VSTM2L: variants seen among roughly 807,000 people sequenced by gnomAD.
VSTM2L encodes V-set and transmembrane domain-containing protein 2-like protein.
Under a neutral mutation model 19.9 loss-of-function variants are expected in VSTM2L, and 9 were observed. The ratio of observed to expected loss-of-function variants is 0.45; its 90% CI spans 0.27 to 0.79. VSTM2L has a LOEUF of 0.79. Ranked by LOEUF, VSTM2L falls within the 30% of genes least tolerant of loss-of-function variation. VSTM2L has a pLI of 0.15. For missense variants in VSTM2L, 286 were observed against 295.5 expected (o/e 0.97, Z 0.24); for synonymous variants, 127 against 133.8 (o/e 0.95, Z 0.35).
chr20:37,923,680 T>G (rs367894159), intron 1 of VSTM2L, among the ~76,000 whole-genome samples: 1 of 152,086 alleles, frequency 6.6e-6, no homozygotes, highest in African/African-American at 2.4e-5. Context: ...GAGAGATGGA[T>G]TCTATGTCCC....
intron 1 of VSTM2L, among the ~76,000 whole-genome samples, chr20:37,918,058 C>A (rs750805008): frequency 2.0e-5 from 3 of 152,188 alleles, no homozygotes; most frequent in African/African-American, 4.8e-5. Context: ...CCATTCATTT[C>A]TTTGTTCATT....
At chr20:37,906,897 G>C (rs2072754495) in intron 1 of VSTM2L, among the ~76,000 whole-genome samples, 1 of 152,136 alleles carries the variant, frequency 6.6e-6, no homozygotes, top group South Asian at 2.1e-4. Context: ...TGGACCCCAG[G>C]ATCTTTCCAG....
chr20:37,913,588 G>T (rs2072792741), intron 1 of VSTM2L, among the ~76,000 whole-genome samples: 1 of 152,236 alleles, frequency 6.6e-6, no homozygotes, highest in South Asian at 2.1e-4. Flanking sequence ...TGCATAGGCA[G>T]GTGGGCCAAG....
At chr20:37,906,198 C>T (rs1338521902) in intron 1 of VSTM2L, among the ~76,000 whole-genome samples, 8 of 152,152 alleles carry the variant, frequency 5.3e-5, no homozygotes, top group Non-Finnish European at 1.2e-4. Flanking sequence ...GAGCTTGTCA[C>T]AGGGAAAGCC....
chr20:37,929,225 G>C (rs2072895333), intron 1 of VSTM2L, among the ~76,000 whole-genome samples: 1 of 152,196 alleles, frequency 6.6e-6, no homozygotes, highest in Admixed American at 6.5e-5. Flanking sequence ...GGGTGTTCCA[G>C]GCAGAGGAAT....
chr20:37,911,363 A>G (rs920119997), intron 1 of VSTM2L, among the ~76,000 whole-genome samples: 3 of 152,010 alleles, frequency 2.0e-5, no homozygotes, highest in Admixed American at 6.6e-5. Context: ...GTGCAAGCTG[A>G]GCCCTACCCG....
At chr20:37,936,231 G>A (rs908973753) in intron 3 of VSTM2L, among the ~76,000 whole-genome samples, 10 of 144,734 alleles carry the variant, frequency 6.9e-5, no homozygotes, top group African/African-American at 2.9e-4. Flanking sequence ...TATGCGTACC[G>A]GTGACATGAC....
At chr20:37,920,480 C>A (rs893287425) in intron 1 of VSTM2L, among the ~76,000 whole-genome samples, 3 of 152,244 alleles carry the variant, frequency 2.0e-5, no homozygotes, top group African/African-American at 7.2e-5. Flanking sequence ...TGCCCTGTTT[C>A]ATTCTTGGTT....
chr20:37,917,092 T>C (rs2072822814), intron 1 of VSTM2L, among the ~76,000 whole-genome samples: 1 of 152,110 alleles, frequency 6.6e-6, no homozygotes, highest in Non-Finnish European at 1.5e-5. Flanking sequence ...GACGGGCGGA[T>C]CACGAGGTCA....
intron 1 of VSTM2L, among the ~76,000 whole-genome samples, chr20:37,915,148 G>A (rs1025177305): frequency 6.6e-6 from 1 of 152,172 alleles, no homozygotes; most frequent in Admixed American, 6.5e-5. Flanking sequence ...ATGGTCTCCC[G>A]GCAGGCAGCG....
intron 1 of VSTM2L, among the ~76,000 whole-genome samples, chr20:37,912,189 T>C (rs1349598494): frequency 6.6e-6 from 1 of 152,184 alleles, no homozygotes; most frequent in Admixed American, 6.5e-5. Flanking sequence ...TGAGCCCAGC[T>C]TGTGGGACGA....
At chr20:37,941,992 C>G (rs6013481) in intron 3 of VSTM2L, among the ~76,000 whole-genome samples, 6,135 of 151,846 alleles carry the variant, frequency 0.04, 381 homozygotes, top group African/African-American at 0.13. Flanking sequence ...GCCAGCTTCC[C>G]CAGTGGTGTA....
At chr20:37,940,099 T>C (rs1262714442) in intron 3 of VSTM2L, among the ~76,000 whole-genome samples, 1 of 152,164 alleles carries the variant, frequency 6.6e-6, no homozygotes, top group East Asian at 1.9e-4. Flanking sequence ...GGATTATTAC[T>C]CCATTAGCGC....
At chr20:37,931,836 C>A in intron 2 of VSTM2L, 32 bp downstream of exon 2, 2 of 1,602,780 alleles carry the variant, frequency 1.2e-6, no homozygotes, top group Non-Finnish European at 1.7e-6. Flanking sequence ...CCAAGCTGGG[C>A]TGGGGAAGTC....
intron 3 of VSTM2L, among the ~76,000 whole-genome samples, chr20:37,943,755 A>C (rs1287468116): frequency 6.6e-6 from 1 of 152,146 alleles, no homozygotes; most frequent in Non-Finnish European, 1.5e-5. Context: ...GCAGTGCTTC[A>C]TGCAGGGAAC....
Position 37,944,086 on chromosome 20 carries a change from G to A in VSTM2L, c.448G>A (p.Gly150Ser), listed in dbSNP as rs1447181384. Reference sequence around the variant, plus strand: ...GTGCCGCGTCATCGACTTCAGCGACGGCAAGGCCCGGCACCACAAGGTCAA... The same window carrying A: ...GTGCCGCGTCATCGACTTCAGCGACAGCAAGGCCCGGCACCACAAGGTCAA... ...YECRVIDFSD[G>S]KARHHKVKAY... The change falls in exon 4 of 4, where the codon GGC (glycine) becomes AGC (serine). Residue 150 changes from glycine to serine, a missense_variant. Transcript: ENST00000373461. 8 of 1,612,822 alleles carry A rather than the reference G, an allele frequency of 5.0e-6. No individual in the cohort carries two copies. The highest frequency in any genetic ancestry group is 4.5e-5 in the East Asian group (2 of 44,850).
intron 3 of VSTM2L, among the ~76,000 whole-genome samples, chr20:37,934,336 A>C (rs1322277943): frequency 6.6e-6 from 1 of 152,126 alleles, no homozygotes; most frequent in Admixed American, 6.5e-5. Context: ...TGAACTGGGG[A>C]GAGAACATGG....
chr20:37,912,135 G>A (rs1488762769), intron 1 of VSTM2L, among the ~76,000 whole-genome samples: 4 of 152,214 alleles, frequency 2.6e-5, no homozygotes, highest in African/African-American at 4.8e-5. Flanking sequence ...GGCGTGGTGC[G>A]ACTTGCCTGA....
At chr20:37,939,155 A>C (rs2072957359) in intron 3 of VSTM2L, among the ~76,000 whole-genome samples, 1 of 152,174 alleles carries the variant, frequency 6.6e-6, no homozygotes, top group African/African-American at 2.4e-5. Context: ...TTAGAATCCC[A>C]GCACTTTGGG....
Sources: allele counts gnomAD v4.1 joint callset (sites outside exome capture counted in the v4.1 genomes callset), GRCh38; gene constraint gnomAD v4.1.1; transcripts MANE v1.5; gene names NCBI Gene and HGNC (gene_info 2026-07-23, HGNC 2026-07-21).